L3MBTL3: variants seen among roughly 807,000 people sequenced by gnomAD.
L3MBTL3 encodes the protein lethal(3)malignant brain tumor-like protein 3.
A neutral mutation model predicts 102.3 loss-of-function variants in L3MBTL3; 27 were observed. The observed-to-expected ratio is 0.26, with a 90% CI of 0.19 to 0.36. The LOEUF (loss-of-function observed/expected upper bound fraction) is 0.36. Among genes scored for constraint, L3MBTL3 ranks in the 10% least tolerant of loss-of-function variants. The pLI, the probability that L3MBTL3 is intolerant of heterozygous loss-of-function variation, is 1.00. For missense variants in L3MBTL3, 798 were observed against 955.3 expected (o/e 0.84, Z 2.17); for synonymous variants, 340 against 320.9 (o/e 1.06, Z -0.64).
chr6:130,125,356 A>G (rs892386743), intron 20 of L3MBTL3, among the ~76,000 whole-genome samples: 2 of 151,964 alleles, frequency 1.3e-5, no homozygotes, highest in Non-Finnish European at 2.9e-5. Flanking sequence ...TTCTCTTTTC[A>G]TAGCCTATTT....
At chr6:130,138,908 G>A (rs557232516) in intron 22 of L3MBTL3, among the ~76,000 whole-genome samples, 1 of 152,136 alleles carries the variant, frequency 6.6e-6, no homozygotes, top group Non-Finnish European at 1.5e-5. Context: ...AACTTCTAGA[G>A]AATAGTAGCC....
chr6:130,121,746 T>C (rs1285871036), intron 20 of L3MBTL3, among the ~76,000 whole-genome samples: 1 of 152,240 alleles, frequency 6.6e-6, no homozygotes, highest in African/African-American at 2.4e-5. Context: ...GAACAATGTT[T>C]TAAGTTGTAT....
intron 2 of L3MBTL3, among the ~76,000 whole-genome samples, chr6:130,030,285 C>G (rs939452952): frequency 6.6e-6 from 1 of 152,074 alleles, no homozygotes; most frequent in African/African-American, 2.4e-5. Flanking sequence ...ATATACCTAA[C>G]CCATTTTACA....
Position 130,031,237 on chromosome 6 carries a change from G to A in L3MBTL3, c.-16+8932G>A, listed in dbSNP as rs534416336. 7.2e-5 allele frequency among the ~76,000 whole-genome samples: 11 copies of A among 152,296 alleles called. No individual in the cohort carries two copies. The South Asian group carries it at 8.3e-4, about 11-fold the overall frequency. On this transcript the variant is annotated intron_variant, in intron 2 of 22. Transcript: ENST00000361794. Reference sequence around the variant, plus strand: ...TATTAGACACTATACCAACAAGCAGGTTCAGACTGGGAGCTAGATTAGAAG... The same window carrying A: ...TATTAGACACTATACCAACAAGCAGATTCAGACTGGGAGCTAGATTAGAAG...
intron 2 of L3MBTL3, among the ~76,000 whole-genome samples, chr6:130,033,114 TG>T (rs1321739969): frequency 6.6e-6 from 1 of 151,962 alleles, no homozygotes; most frequent in African/African-American, 2.4e-5. Context: ...GGGTAAGGGA[TG>T]GAAAGAGGAA....
intron 19 of L3MBTL3, among the ~76,000 whole-genome samples, chr6:130,115,454 T>A (rs1268151486): frequency 6.6e-6 from 1 of 152,240 alleles, no homozygotes; most frequent in African/African-American, 2.4e-5. Flanking sequence ...ATAATTTGTT[T>A]TTCAATATTT....
At chr6:130,088,908 T>G (rs979112734) in intron 16 of L3MBTL3, among the ~76,000 whole-genome samples, 3 of 152,142 alleles carry the variant, frequency 2.0e-5, no homozygotes, top group Non-Finnish European at 4.4e-5. Flanking sequence ...CATTCACTGT[T>G]GAGCAAAGTA....
intron 20 of L3MBTL3, among the ~76,000 whole-genome samples, 161 bp downstream of exon 20, chr6:130,121,119 T>C (rs1786152561): frequency 6.6e-6 from 1 of 152,240 alleles, no homozygotes; most frequent in Admixed American, 6.5e-5. Context: ...GAAGGTTTGT[T>C]ACATAGGTAA....
At chr6:130,029,045 A>G (rs1347356677) in intron 2 of L3MBTL3, among the ~76,000 whole-genome samples, 1 of 152,156 alleles carries the variant, frequency 6.6e-6, no homozygotes, top group Non-Finnish European at 1.5e-5. Flanking sequence ...TTCATTTGGT[A>G]AGTTTTATCA....
chr6:130,095,208 A>T (rs1395394613), intron 18 of L3MBTL3, among the ~76,000 whole-genome samples: 1 of 152,204 alleles, frequency 6.6e-6, no homozygotes, highest in African/African-American at 2.4e-5. Context: ...TTCCTTGTTT[A>T]TCTAGTTTGT....
Position 130,083,852 on chromosome 6 carries a change from T to G in L3MBTL3, c.1407+147T>G, listed in dbSNP as rs554956385. ...AAGATGTTTTTGAATTTTTACAATT[T>G]TTAAAGTCAAAATTGTTACTGGAAT... On this transcript the variant is annotated intron_variant, in intron 15 of 22. Transcript: ENST00000361794. 51 of 430,550 alleles carry G rather than the reference T, an allele frequency of 1.2e-4. No homozygotes were observed. The East Asian group carries it at 1.7e-3, about 15-fold the overall frequency. The allele number at this position is 430,550 out of a possible 1,614,324, so 26.7% of individuals were successfully genotyped here.
chr6:130,035,817 C>T (rs1780021104), intron 2 of L3MBTL3, among the ~76,000 whole-genome samples: 1 of 152,148 alleles, frequency 6.6e-6, no homozygotes, highest in Admixed American at 6.5e-5. Flanking sequence ...GAGGAAAAAG[C>T]CGAATCTTGT....
chr6:130,128,812 T>C (rs1274970435), intron 20 of L3MBTL3, among the ~76,000 whole-genome samples: 1 of 152,102 alleles, frequency 6.6e-6, no homozygotes, highest in Non-Finnish European at 1.5e-5. Flanking sequence ...TTGGAGTGTT[T>C]TGTGGTTTCT....
chr6:130,069,456 T>G (rs1782481896), intron 12 of L3MBTL3, among the ~76,000 whole-genome samples: 1 of 152,232 alleles, frequency 6.6e-6, no homozygotes, highest in Admixed American at 6.5e-5. Context: ...CAAACCAGGT[T>G]GGATTACAGA....
chr6:130,102,949 C>A (rs1784790338), intron 18 of L3MBTL3, among the ~76,000 whole-genome samples: 1 of 152,228 alleles, frequency 6.6e-6, no homozygotes, highest in Non-Finnish European at 1.5e-5. Context: ...AACCAGAGAG[C>A]TGCTTTCTTG....
At chr6:130,025,020 T>G (rs1050847246) in intron 2 of L3MBTL3, among the ~76,000 whole-genome samples, 1 of 152,158 alleles carries the variant, frequency 6.6e-6, no homozygotes, top group African/African-American at 2.4e-5. Flanking sequence ...AAGAAGCCCT[T>G]CACCCACAGT....
intron 3 of L3MBTL3, among the ~76,000 whole-genome samples, chr6:130,049,048 A>G (rs946855404): frequency 2.0e-5 from 3 of 152,132 alleles, no homozygotes; most frequent in Admixed American, 1.3e-4. Context: ...GAGCAGGGTC[A>G]TTGGTATCCT....
chr6:130,123,571 T>C (rs909844019), intron 20 of L3MBTL3, among the ~76,000 whole-genome samples: 6 of 152,204 alleles, frequency 3.9e-5, no homozygotes, highest in African/African-American at 1.4e-4. Context: ...TTCTTCTTTT[T>C]CATGTTTCTG....
intron 3 of L3MBTL3, among the ~76,000 whole-genome samples, chr6:130,048,967 C>CACACAT (rs71678245): frequency 2.9e-3 from 431 of 150,558 alleles, no homozygotes; most frequent in Admixed American, 4.2e-3. Flanking sequence ...CACACACACA[C>CACACAT]ACATACACAC....
Sources: allele counts gnomAD v4.1 joint callset (sites outside exome capture counted in the v4.1 genomes callset), GRCh38; gene constraint gnomAD v4.1.1; transcripts MANE v1.5; gene names NCBI Gene and HGNC (gene_info 2026-07-23, HGNC 2026-07-21).